SLIT2: variants seen among roughly 807,000 people sequenced by gnomAD.
SLIT2 encodes slit homolog 2 protein.
Under a neutral mutation model 185.7 loss-of-function variants are expected in SLIT2, and 41 were observed. The ratio of observed to expected loss-of-function variants is 0.22; its 90% CI spans 0.17 to 0.29. SLIT2 has a LOEUF of 0.29. Among genes scored for constraint, SLIT2 ranks in the 10% least tolerant of loss-of-function variants. The probability of loss-of-function intolerance (pLI) is 1.00; values close to 1 mark genes in which losing one functional copy is unlikely to be tolerated. For synonymous variants in SLIT2, 693 were observed against 680.2 expected (o/e 1.02, Z -0.29); for missense variants, 1,571 against 1,909.0 (o/e 0.82, Z 3.30).
At chr4:20,578,542 TA>T (rs1169564877) in intron 29 of SLIT2, among the ~76,000 whole-genome samples, 1 of 152,182 alleles carries the variant, frequency 6.6e-6, no homozygotes, top group Non-Finnish European at 1.5e-5. Flanking sequence ...ACAGTAGGAA[TA>T]AAAATGGGCT....
chr4:20,589,578 C>A, intron 29 of SLIT2, 66 bp from the exon 30 acceptor site: 1 of 1,194,064 alleles, frequency 8.4e-7, no homozygotes, highest in Non-Finnish European at 1.2e-6. Flanking sequence ...ATGACAATGA[C>A]ACAGTCTGCT....
At chr4:20,467,945 AG>A (rs1422874392) in intron 5 of SLIT2, 122 bp downstream of exon 5, 3 of 511,050 alleles carry the variant, frequency 5.9e-6, no homozygotes, top group Non-Finnish European at 1.0e-5. Context: ...ATGCTTGCGT[AG>A]GAGACCTTGT....
intron 4 of SLIT2, among the ~76,000 whole-genome samples, chr4:20,328,727 G>T (rs760867286): frequency 6.6e-6 from 1 of 151,980 alleles, no homozygotes; most frequent in East Asian, 1.9e-4. Flanking sequence ...AGTCAAATAA[G>T]GACTCCACAA....
chr4:20,335,628 A>G (rs1024555334), intron 4 of SLIT2, among the ~76,000 whole-genome samples: 1 of 152,158 alleles, frequency 6.6e-6, no homozygotes, highest in African/African-American at 2.4e-5. Context: ...AGGAACCAGC[A>G]CTGGGTCATC....
chr4:20,619,032 T>G lies in SLIT2; in HGVS notation c.*23T>G, dbSNP rs369379242. On this transcript the variant is annotated 3_prime_UTR_variant, in exon 37 of 37. Transcript: ENST00000504154. ...TAAACACACTCCCGGCAGCTCTGTC[T>G]TTGGAAAAGGTTGTATACTTCTTGA... is the stretch of plus-strand genomic sequence containing the variant. 4.5e-5 allele frequency: 72 copies of G among 1,602,298 alleles called. No individual in the cohort carries two copies. The African/African-American group carries it at 8.5e-4, about 19-fold the overall frequency.
intron 9 of SLIT2, among the ~76,000 whole-genome samples, chr4:20,508,906 C>T (rs1022310224): frequency 5.3e-5 from 8 of 151,842 alleles, no homozygotes; most frequent in Non-Finnish European, 8.8e-5. Flanking sequence ...GAAGAAAAAC[C>T]GTAGCACCAT....
intron 26 of SLIT2, among the ~76,000 whole-genome samples, chr4:20,566,101 A>G (rs558368622): frequency 6.6e-6 from 1 of 152,182 alleles, no homozygotes; most frequent in South Asian, 2.1e-4. Flanking sequence ...TAGAAGTTAT[A>G]TAGCTTTTTG....
intron 4 of SLIT2, among the ~76,000 whole-genome samples, chr4:20,348,738 A>G (rs767714527): frequency 1.4e-4 from 21 of 152,172 alleles, no homozygotes; most frequent in Non-Finnish European, 2.6e-4. Flanking sequence ...TCGTTTGTCA[A>G]CGTCTTGAGT....
intron 4 of SLIT2, among the ~76,000 whole-genome samples, chr4:20,316,357 G>A (rs1455369670): frequency 6.6e-6 from 1 of 151,822 alleles, no homozygotes; most frequent in Non-Finnish European, 1.5e-5. Context: ...TACGTCCTCA[G>A]TAAAGGAGAC....
In SLIT2 at chr4:20,479,858, C is replaced by A. The variant is rs1577743904; in HGVS notation, c.468-858C>A. 2.6e-5 allele frequency among the ~76,000 whole-genome samples: 4 copies of A among 152,276 alleles called. No homozygotes were observed. In the East Asian group the frequency reaches 7.7e-4, roughly 29 times the overall value. On this transcript the variant is annotated intron_variant, in intron 5 of 36. Coordinates refer to ENST00000504154, the MANE Select transcript of SLIT2 (RefSeq NM_004787.4). ...TTCAATTATGCATTATTTAGAATTT[C>A]ACTGATACAGCTTTTAGGCTTTTTA... is the stretch of plus-strand genomic sequence containing the variant.
chr4:20,448,415 G>T (rs1712069328), intron 4 of SLIT2, among the ~76,000 whole-genome samples: 1 of 152,000 alleles, frequency 6.6e-6, no homozygotes, highest in Non-Finnish European at 1.5e-5. Flanking sequence ...TGTGCTTCCA[G>T]GTTCAAGTGA....
At chr4:20,510,608 T>C in intron 10 of SLIT2, 42 bp downstream of exon 10, 6 of 1,280,156 alleles carry the variant, frequency 4.7e-6, no homozygotes, top group Non-Finnish European at 6.8e-6. Flanking sequence ...TTTTAAAAAT[T>C]ATAGAGGTCA....
Position 20,528,996 on chromosome 4 carries a change from C to T in SLIT2, c.1510C>T (p.Leu504=). 1.2e-6 allele frequency: 2 copies of T among 1,613,882 alleles called. No homozygotes were observed. The highest frequency in any genetic ancestry group is 2.2e-5 in the South Asian group (2 of 91,072). ...SKLSGDCFAD[L]ACPEKCRCEG... ...ATTAAGTGGAGACTGCTTTGCGGATCTGGCTTGCCCTGAAAAGTGTCGCTG... is the reference window on the plus strand; with the variant it reads ...ATTAAGTGGAGACTGCTTTGCGGATTTGGCTTGCCCTGAAAAGTGTCGCTG... Residue 504 remains leucine, a synonymous_variant, in exon 16 of 37, where the codon CTG becomes TTG. Coordinates refer to ENST00000504154, the MANE Select transcript of SLIT2 (RefSeq NM_004787.4). This position sits in a 1 kb window ranked among gnomAD's most constrained non-coding sequence, Gnocchi z 4.2.
chr4:20,550,745 A>T, intron 24 of SLIT2, 82 bp from the exon 25 acceptor site: 3 of 807,418 alleles, frequency 3.7e-6, no homozygotes, highest in Non-Finnish European at 6.0e-6. Flanking sequence ...AATGCTTATT[A>T]TAAACTAAAG....
chr4:20,487,093 T>C (rs1717315058), intron 7 of SLIT2, among the ~76,000 whole-genome samples: 1 of 152,112 alleles, frequency 6.6e-6, no homozygotes, highest in Non-Finnish European at 1.5e-5. Context: ...AAAATATTAA[T>C]TTTATTTTCT....
chr4:20,299,088 G>C (rs1036068627), intron 4 of SLIT2, among the ~76,000 whole-genome samples: 1 of 152,194 alleles, frequency 6.6e-6, no homozygotes, highest in African/African-American at 2.4e-5. Flanking sequence ...CAGACTGTAT[G>C]ACTTTTTACA....
intron 12 of SLIT2, among the ~76,000 whole-genome samples, 185 bp downstream of exon 12, chr4:20,519,638 A>T (rs1720638558): frequency 6.6e-6 from 1 of 152,174 alleles, no homozygotes; most frequent in Admixed American, 6.6e-5. Context: ...AACTTTTTGG[A>T]ATAGTCCCCA....
intron 4 of SLIT2, among the ~76,000 whole-genome samples, chr4:20,392,974 T>C (rs1015631689): frequency 2.0e-5 from 3 of 152,056 alleles, no homozygotes; most frequent in African/African-American, 7.2e-5. Context: ...AGTAAATACA[T>C]ACACCGTACT....
intron 12 of SLIT2, 66 bp downstream of exon 12, chr4:20,519,519 T>C (rs982995827): frequency 6.5e-5 from 63 of 964,156 alleles, no homozygotes; most frequent in Middle Eastern, 4.3e-4. Flanking sequence ...TGTTGTCTCA[T>C]ATTTTTATGG....
Sources: gnomAD v4.1 joint callset for allele counts (sites outside exome capture counted in the v4.1 genomes callset) on GRCh38, gnomAD v4.1.1 for gene constraint, Gnocchi (gnomAD v3.1) non-coding constraint, MANE v1.5 for transcripts, NCBI Gene and HGNC (gene_info 2026-07-23, HGNC 2026-07-21) for gene names.